The following JAK1 variants were observed in gnomAD, a reference collection of about 807,000 sequenced individuals.
JAK1 encodes the protein tyrosine-protein kinase JAK1.
A neutral mutation model predicts 136.6 loss-of-function variants in JAK1; 16 were observed. The ratio of observed to expected loss-of-function variants is 0.12; its 90% confidence interval spans 0.08 to 0.18. The LOEUF (loss-of-function observed/expected upper bound fraction) is 0.18. Ranked by LOEUF, JAK1 falls within the 10% of genes least tolerant of loss-of-function variation. The pLI is 1.00. For missense variants in JAK1, 859 were observed against 1,450.1 expected, an observed-to-expected ratio of 0.59 and a Z score of 6.62; for synonymous variants, 492 against 519.5, an observed-to-expected ratio of 0.95 and a Z score of 0.72.
At chr1:65,001,154 A>G (rs1646752564) in intron 2 of JAK1, among the ~76,000 whole-genome samples, 1 of 152,206 alleles carries the variant, frequency 6.6e-6, no homozygotes, top group Admixed American at 6.5e-5. Flanking sequence ...TGGAGTGGAC[A>G]ATTTCCAAGA....
intron 1 of JAK1, chr1:64,918,355 A>C (rs999441669): frequency 6.6e-6 from 1 of 152,196 alleles, no homozygotes. Context: ...TTAATTTTCA[A>C]TTACTTTATT....
chr1:64,919,669 C>G (rs975370751), intron 1 of JAK1, among the ~76,000 whole-genome samples: 1 of 152,114 alleles, frequency 6.6e-6, no homozygotes, highest in African/African-American at 2.4e-5. Flanking sequence ...CATCATCTTT[C>G]TAAAATTCTA....
rs551043181 is a variant in JAK1, at chr1:65,056,644, C to T, written c.-181+10960G>A. On this transcript the variant is annotated intron_variant, in intron 1 of 25. Coordinates refer to the JAK1 transcript ENST00000671954. ...AGTATGTTAAAAAGTCACACGAGGC[C>T]GGGTGCAGTGGCTCAATGCCTGTAA... 7.9e-5 allele frequency among the ~76,000 whole-genome samples: 12 copies of T among 152,208 alleles called. No individual in the cohort carries two copies. The East Asian group carries it at 1.7e-3, about 22-fold the overall frequency.
At chr1:65,046,872 C>CTTT (rs770524663) in intron 1 of JAK1, among the ~76,000 whole-genome samples, 9 of 113,390 alleles carry the variant, frequency 7.9e-5, no homozygotes, top group African/African-American at 2.3e-4. Context: ...GCCCCAACCT[C>CTTT]TTTTTTTTTT....
At chr1:64,902,647 T>C (rs1324367578) in intron 1 of JAK1, among the ~76,000 whole-genome samples, 1 of 139,102 alleles carries the variant, frequency 7.2e-6, no homozygotes, top group Non-Finnish European at 1.5e-5. Flanking sequence ...TTGAGAACAT[T>C]TAAATAATAG....
At chr1:64,873,979 C>G (rs539295296) in intron 4 of JAK1, among the ~76,000 whole-genome samples, 1 of 152,196 alleles carries the variant, frequency 6.6e-6, no homozygotes, top group Non-Finnish European at 1.5e-5. Context: ...GGCAGTGTTT[C>G]CTACTTCCCA....
intron 1 of JAK1, among the ~76,000 whole-genome samples, chr1:65,057,382 G>A (rs1647594971): frequency 6.6e-6 from 1 of 152,174 alleles, no homozygotes; most frequent in South Asian, 2.1e-4. Context: ...GAGTAAGATG[G>A]AGGTTGAAGA....
At chr1:64,878,559 GTGTATATA>G (rs1185799862) in intron 4 of JAK1, among the ~76,000 whole-genome samples, 980 of 79,160 alleles carry the variant, frequency 0.012, 16 homozygotes, top group African/African-American at 0.03. Context: ...TATATATAGT[GTGTATATA>G]TATATATATA....
At chr1:64,893,503 G>A (rs1262003765) in intron 1 of JAK1, among the ~76,000 whole-genome samples, 1 of 152,212 alleles carries the variant, frequency 6.6e-6, no homozygotes, top group Non-Finnish European at 1.5e-5. Flanking sequence ...AACACCCACT[G>A]TCTGAGACCT....
intron 2 of JAK1, among the ~76,000 whole-genome samples, chr1:64,883,801 T>C (rs1268134674): frequency 6.6e-6 from 1 of 152,202 alleles, no homozygotes; most frequent in Non-Finnish European, 1.5e-5. Flanking sequence ...ACCCAAGTTG[T>C]AATTGAAAAA....
At chr1:64,992,534 G>A (rs1322761923) in intron 2 of JAK1, 6 of 152,034 alleles carry the variant, frequency 3.9e-5, no homozygotes, top group African/African-American at 1.2e-4. Flanking sequence ...ACAAAGGTGT[G>A]GCATCCCAAC....
chr1:65,048,292 G>A (rs1487683101), intron 1 of JAK1, among the ~76,000 whole-genome samples: 1 of 152,196 alleles, frequency 6.6e-6, no homozygotes, highest in Non-Finnish European at 1.5e-5. Flanking sequence ...CAGGGCTGTT[G>A]TGACACTCAG....
chr1:64,871,620 C>G (rs1657078741), intron 5 of JAK1, among the ~76,000 whole-genome samples: 1 of 152,206 alleles, frequency 6.6e-6, no homozygotes, highest in African/African-American at 2.4e-5. Context: ...CATTATCCAT[C>G]CGACATCACC....
At chr1:64,919,134 T>C (rs564379274) in intron 1 of JAK1, among the ~76,000 whole-genome samples, 2 of 152,196 alleles carry the variant, frequency 1.3e-5, no homozygotes, top group African/African-American at 2.4e-5. Flanking sequence ...GTCATTTACA[T>C]TAAGTATATC....
At chr1:64,888,610 A>T (rs1041675670) in intron 1 of JAK1, among the ~76,000 whole-genome samples, 5 of 152,260 alleles carry the variant, frequency 3.3e-5, no homozygotes, top group African/African-American at 1.2e-4. Context: ...TTTTAGAACT[A>T]GAATTCTACA....
chr1:65,064,873 C>T (rs966003908), intron 1 of JAK1, among the ~76,000 whole-genome samples: 4 of 152,224 alleles, frequency 2.6e-5, no homozygotes, highest in African/African-American at 9.6e-5. Context: ...TTATTGTTGA[C>T]GTACAAAAAC....
intron 3 of JAK1, among the ~76,000 whole-genome samples, chr1:64,882,896 T>C (rs1644796389): frequency 6.6e-6 from 1 of 152,230 alleles, no homozygotes; most frequent in Non-Finnish European, 1.5e-5. Context: ...CGCTACTTGC[T>C]GAGCAGGGAC....
chr1:65,055,652 A>C (rs2100872909), intron 1 of JAK1, among the ~76,000 whole-genome samples: 1 of 152,194 alleles, frequency 6.6e-6, no homozygotes, highest in Middle Eastern at 3.4e-3. Flanking sequence ...CAGTGGAAAA[A>C]CCCCATTGGA....
At chr1:64,886,155 TA>T in intron 2 of JAK1, 103 bp downstream of exon 2, 1 of 697,114 alleles carries the variant, frequency 1.4e-6, no homozygotes, top group South Asian at 1.9e-5. Context: ...TTCAAAAAAT[TA>T]AAGGCAATAG....
Sources: gnomAD v4.1 joint callset for allele counts (sites outside exome capture counted in the v4.1 genomes callset) on GRCh38, gnomAD v4.1.1 for gene constraint, MANE v1.5 for transcripts, NCBI Gene and HGNC (gene_info 2026-07-23, HGNC 2026-07-21) for gene names.